Variants in PTPN23 observed in about 807,000 individuals in gnomAD.
PTPN23 encodes the protein tyrosine-protein phosphatase non-receptor type 23.
PTPN23 carries 72 observed loss-of-function variants against 156.3 expected under a neutral mutation model. The observed-to-expected ratio is 0.46, with a 90% CI of 0.38 to 0.56. PTPN23 has a LOEUF of 0.56. Ranked by LOEUF, PTPN23 falls within the 20% of genes least tolerant of loss-of-function variation. PTPN23 has a pLI of 0.00. For missense variants in PTPN23, 1,974 were observed against 2,171.5 expected (o/e 0.91, Z 1.81); for synonymous variants, 957 against 899.6 (o/e 1.06, Z -1.14).
chr3:47,403,969 A>C (rs923080771), intron 2 of PTPN23, among the ~76,000 whole-genome samples: 1 of 152,122 alleles, frequency 6.6e-6, no homozygotes, highest in Non-Finnish European at 1.5e-5. Flanking sequence ...GGCAGCTCAC[A>C]CCTTTAATCC....
Position 47,412,870 on chromosome 3 carries a change from C to T in PTPN23, c.4596C>T (p.Ala1532=), listed in dbSNP as rs1256211411. Residue 1532 remains alanine (A), a synonymous_variant, in exon 25 of 25, where the codon GCC becomes GCT. Transcript: ENST00000265562. ...GPAEPPGLPP[A]SLPESTPIPS... Reference sequence around the variant, plus strand: ...CAGAGCCCCCAGGCCTCCCGCCAGCCAGCCTCCCAGAGTCTACCCCAATCC... The same window carrying T: ...CAGAGCCCCCAGGCCTCCCGCCAGCTAGCCTCCCAGAGTCTACCCCAATCC... 1 of 1,612,342 alleles carries T rather than the reference C, an allele frequency of 6.2e-7. No homozygotes were observed. Among genetic ancestry groups the T allele is most frequent in the African/African-American group, 1.3e-5 (1 of 74,868 alleles).
At chr3:47,384,989 C>T (rs983046550) in intron 1 of PTPN23, among the ~76,000 whole-genome samples, 4 of 152,046 alleles carry the variant, frequency 2.6e-5, no homozygotes, top group Admixed American at 6.6e-5. Flanking sequence ...CTTGAACCCC[C>T]GACCTCAGGT....
At chr3:47,401,010 C>A (rs1704984080) in intron 2 of PTPN23, among the ~76,000 whole-genome samples, 1 of 151,730 alleles carries the variant, frequency 6.6e-6, no homozygotes, top group African/African-American at 2.4e-5. Flanking sequence ...TCACGCCATT[C>A]TTCTGCCTCA....
chr3:47,384,190 C>T (rs968780532), intron 1 of PTPN23, among the ~76,000 whole-genome samples: 3 of 151,238 alleles, frequency 2.0e-5, no homozygotes, highest in East Asian at 1.9e-4. Context: ...ATTTGTAGGC[C>T]GGGTGCGGTG....
At chr3:47,386,086 G>A (rs377734187) in intron 1 of PTPN23, among the ~76,000 whole-genome samples, 2 of 152,194 alleles carry the variant, frequency 1.3e-5, no homozygotes, top group East Asian at 1.9e-4. Flanking sequence ...AAACAAGAAA[G>A]AACTTTTCCC....
intron 2 of PTPN23, among the ~76,000 whole-genome samples, chr3:47,403,214 G>A (rs552981706): frequency 7.7e-4 from 117 of 151,562 alleles, no homozygotes; most frequent in Non-Finnish European, 1.5e-3. Flanking sequence ...CACCACGTCC[G>A]GCTAATTTTT....
At position 47,412,273 on chromosome 3, in the gene PTPN23, C is replaced by T; in HGVS notation, c.4179-10C>T. 3.7e-6 allele frequency: 6 copies of T among 1,613,002 alleles called. No individual in the cohort carries two copies. The highest frequency in any genetic ancestry group is 5.1e-6 in the Non-Finnish European group (6 of 1,179,592). On this transcript the variant is annotated splice_polypyrimidine_tract_variant and intron_variant, in intron 22 of 24. Transcript: ENST00000265562. ...TCATACCCCGGCCTCATAACCCCTT[C>T]TTGGCACAGCTCTGGTGTGGGCCGC... is the stretch of plus-strand genomic sequence containing the variant.
intron 2 of PTPN23, 51 bp from the exon 3 acceptor site, chr3:47,404,601 G>A: frequency 6.3e-7 from 1 of 1,599,638 alleles, no homozygotes; most frequent in Non-Finnish European, 8.6e-7. Flanking sequence ...TGGCCTGCGT[G>A]TCCACTGCCC....
intron 1 of PTPN23, 148 bp downstream of exon 1, chr3:47,381,328 C>G (rs1704533115): frequency 4.3e-6 from 5 of 1,150,892 alleles, no homozygotes; most frequent in African/African-American, 1.5e-5. Flanking sequence ...TTTTCCTCAG[C>G]CTGTCCCACA....
At chr3:47,381,388 C>T (rs1414556064) in intron 1 of PTPN23, among the ~76,000 whole-genome samples, 8 of 152,238 alleles carry the variant, frequency 5.3e-5, no homozygotes, top group Non-Finnish European at 1.0e-4. Context: ...CCCGTGCTAG[C>T]ACCTGCATCT....
Position 47,409,706 on chromosome 3 carries a change from C to T in PTPN23, c.2001C>T (p.Asp667=). Residue 667 remains aspartate (D), a synonymous_variant, in exon 19 of 25, where the codon GAC becomes GAT. Coordinates refer to ENST00000265562, the MANE Select transcript of PTPN23 (RefSeq NM_015466.4). ...TLVASYEAYE[D]LMKKSQEGRD... Reference sequence around the variant, plus strand: ...TGGCCTCGTATGAAGCCTATGAGGACCTGATGAAGAAGTCGCAGGAGGGCA... The same window carrying T: ...TGGCCTCGTATGAAGCCTATGAGGATCTGATGAAGAAGTCGCAGGAGGGCA... 1.9e-6 allele frequency: 3 copies of T among 1,608,932 alleles called. No individual in the cohort carries two copies. The highest frequency in any genetic ancestry group is 2.5e-6 in the Non-Finnish European group (3 of 1,179,846).
rs112831723 is a variant in PTPN23 at position 47,407,106 on chromosome 3, A to G, written c.808-24A>G. The G allele has an allele frequency of 9.3e-6, 15 of 1,613,822 alleles. No individual in the cohort carries two copies. In the African/African-American group the frequency reaches 9.3e-5, roughly 10 times the overall value. ...GGGTCCAAGCAGAGGAGGACAGAGC[A>G]GGCTTTCCTGCCACCCTCCACAGGT... On this transcript the variant is annotated intron_variant, in intron 9 of 24. Coordinates refer to ENST00000265562, the MANE Select transcript of PTPN23 (RefSeq NM_015466.4). The surrounding 1 kb of genome is among the most constrained non-coding windows in gnomAD (Gnocchi z 4.0).
At chr3:47,400,956 G>GATTGCC (rs1196674249) in intron 2 of PTPN23, among the ~76,000 whole-genome samples, 3 of 151,954 alleles carry the variant, frequency 2.0e-5, no homozygotes, top group Non-Finnish European at 4.4e-5. Context: ...AGGCTGGAGT[G>GATTGCC]CAGTGGCGCA....
At chr3:47,388,379 AT>A (rs934406002) in intron 1 of PTPN23, among the ~76,000 whole-genome samples, 3 of 150,362 alleles carry the variant, frequency 2.0e-5, no homozygotes, top group African/African-American at 2.4e-5. Flanking sequence ...AATTTTGCTT[AT>A]TTTTTTTTAG....
Position 47,411,506 on chromosome 3 carries a change from G to A in PTPN23, c.3708G>A (p.Leu1236=). The A allele has an allele frequency of 6.2e-7, 1 of 1,613,112 alleles. No individual in the cohort carries two copies. The highest frequency in any genetic ancestry group is 8.5e-7 in the Non-Finnish European group (1 of 1,180,028). ...CCTATGACAGTAACCGTGTGGTGCT[G>A]CGCTCAGGCAAGGATGACTACATCA... ...VMPYDSNRVV[L]RSGKDDYINA... is the part of the protein sequence containing the mutation. Residue 1236 remains leucine, a synonymous_variant, in exon 20 of 25, where the codon CTG becomes CTA. Coordinates refer to ENST00000265562, the MANE Select transcript of PTPN23 (RefSeq NM_015466.4). The surrounding 1 kb of genome is among the most constrained non-coding windows in gnomAD (Gnocchi z 6.3).
At chr3:47,401,503 G>A (rs565229935) in intron 2 of PTPN23, among the ~76,000 whole-genome samples, 4 of 152,206 alleles carry the variant, frequency 2.6e-5, no homozygotes, top group South Asian at 2.1e-4. Flanking sequence ...CACCATGCCC[G>A]GCCAAGATTT....
In PTPN23 at chr3:47,411,695, A is replaced by C; in HGVS notation, c.3888+9A>C. ...AGGCTGAGATGGAGAAGGTGAGAAG[A>C]GGGGGTGGGTGCCCACGAGGGCAGT... On this transcript the variant is annotated intron_variant, in intron 20 of 24. Transcript: ENST00000265562. This position sits in a 1 kb window ranked among gnomAD's most constrained non-coding sequence, Gnocchi z 6.3. The C allele has an allele frequency of 6.3e-7, 1 of 1,596,512 alleles. No homozygotes were observed. The highest frequency in any genetic ancestry group is 8.6e-7 in the Non-Finnish European group (1 of 1,167,668).
At chr3:47,390,499 G>A (rs1250156153) in intron 1 of PTPN23, among the ~76,000 whole-genome samples, 1 of 152,064 alleles carries the variant, frequency 6.6e-6, no homozygotes, top group Non-Finnish European at 1.5e-5. Context: ...AGGGCCTCTG[G>A]TTCTTTCTCC....
Position 47,404,693 on chromosome 3 carries a change from C to G in PTPN23, c.201C>G (p.Val67=). ...CACGAGACTTTGAGGGCTGTAGTGT[C>G]CTCCGCAAGTACCTCGGCCAGCTTC... ...RVPRDFEGCS[V]LRKYLGQLHY... The change falls in exon 3 of 25, where the codon GTC becomes GTG. Residue 67 remains valine, a synonymous_variant. Transcript: ENST00000265562. 1 of 1,614,030 alleles carries G rather than the reference C, an allele frequency of 6.2e-7. No homozygotes were observed. Among genetic ancestry groups the G allele is most frequent in the Admixed American group, 1.7e-5 (1 of 60,026 alleles).
Sources: allele counts gnomAD v4.1 joint callset (sites outside exome capture counted in the v4.1 genomes callset), GRCh38; gene constraint gnomAD v4.1.1; non-coding constraint Gnocchi (gnomAD v3.1); transcripts MANE v1.5; gene names NCBI Gene and HGNC (gene_info 2026-07-23, HGNC 2026-07-21).